Variants in NTF3 observed in about 807,000 individuals in gnomAD.
NTF3 encodes neurotrophin-3.
A neutral mutation model predicts 26.3 loss-of-function variants in NTF3; 8 were observed. The ratio of observed to expected loss-of-function variants is 0.30; its 90% confidence interval spans 0.18 to 0.55. The LOEUF is 0.55. Ranked by LOEUF, NTF3 falls within the 20% of genes least tolerant of loss-of-function variation. The pLI is 0.93. For synonymous variants in NTF3, 154 were observed against 145.5 expected (o/e 1.06, Z -0.42); for missense variants, 276 against 352.9 (o/e 0.78, Z 1.75).
chr12:5,470,214 G>A (rs1023546358), intron 1 of NTF3, among the ~76,000 whole-genome samples: 8 of 152,156 alleles, frequency 5.3e-5, no homozygotes, highest in Admixed American at 1.3e-4. Flanking sequence ...GTGAGCCACT[G>A]CGCTCGGCCT....
chr12:5,463,584 A>T (rs1940550154), intron 1 of NTF3, among the ~76,000 whole-genome samples: 1 of 152,158 alleles, frequency 6.6e-6, no homozygotes, highest in African/African-American at 2.4e-5. Context: ...AAGAATGAGG[A>T]TATGGAGAAA....
chr12:5,477,656 A>T (rs2121225223), intron 1 of NTF3, among the ~76,000 whole-genome samples: 1 of 152,334 alleles, frequency 6.6e-6, no homozygotes, highest in Admixed American at 6.5e-5. Context: ...AAAGTGAGTT[A>T]TCATCACTAT....
At chr12:5,467,536 T>G (rs1940608770) in intron 1 of NTF3, among the ~76,000 whole-genome samples, 1 of 152,166 alleles carries the variant, frequency 6.6e-6, no homozygotes, top group Non-Finnish European at 1.5e-5. Context: ...TTTCGTTGAT[T>G]GATTAAGGGT....
chr12:5,494,655 G>A lies in NTF3; in HGVS notation c.480G>A (p.Gly160=), dbSNP rs777139111. The change falls in exon 2 of 2, where the codon GGG becomes GGA. Residue 160 remains glycine (G), a synonymous_variant. Coordinates refer to ENST00000423158, the MANE Select transcript of NTF3 (RefSeq NM_001102654.2). The surrounding 1 kb of genome is among the most constrained non-coding windows in gnomAD (Gnocchi z 8.3). Reference sequence around the variant, plus strand: ...ACGCGGAGCATAAGAGTCACCGAGGGGAGTACTCGGTATGTGACAGTGAGA... The same window carrying A: ...ACGCGGAGCATAAGAGTCACCGAGGAGAGTACTCGGTATGTGACAGTGAGA... ...KRYAEHKSHR[G]EYSVCDSESL... 5.6e-6 allele frequency: 9 copies of A among 1,614,130 alleles called. No homozygotes were observed. The South Asian group carries it at 9.9e-5, about 18-fold the overall frequency.
intron 1 of NTF3, among the ~76,000 whole-genome samples, chr12:5,468,152 T>G (rs947206080): frequency 6.6e-6 from 1 of 152,254 alleles, no homozygotes; most frequent in Non-Finnish European, 1.5e-5. Context: ...TTTGGTTGTG[T>G]GATTCATGCT....
At chr12:5,466,913 A>G (rs575731751) in intron 1 of NTF3, among the ~76,000 whole-genome samples, 2 of 152,212 alleles carry the variant, frequency 1.3e-5, no homozygotes, top group African/African-American at 4.8e-5. Context: ...TGCTAACCCT[A>G]TGAATTCTCC....
intron 1 of NTF3, among the ~76,000 whole-genome samples, chr12:5,439,309 G>A (rs1940209765): frequency 6.6e-6 from 1 of 152,206 alleles, no homozygotes; most frequent in Non-Finnish European, 1.5e-5. Flanking sequence ...ACAGATGGGG[G>A]TACTGAGGTT....
At chr12:5,445,078 G>T (rs186612253) in intron 1 of NTF3, among the ~76,000 whole-genome samples, 1 of 152,222 alleles carries the variant, frequency 6.6e-6, no homozygotes, top group East Asian at 1.9e-4. Context: ...ATTTCATTCA[G>T]GATCAAAAAA....
At chr12:5,479,126 T>C (rs950997987) in intron 1 of NTF3, among the ~76,000 whole-genome samples, 1 of 152,262 alleles carries the variant, frequency 6.6e-6, no homozygotes, top group African/African-American at 2.4e-5. Context: ...TTGTTTTAGA[T>C]ACAATTTTGC....
At chr12:5,445,437 A>T (rs983132955) in intron 1 of NTF3, among the ~76,000 whole-genome samples, 1 of 152,038 alleles carries the variant, frequency 6.6e-6, no homozygotes, top group African/African-American at 2.4e-5. Context: ...CACATTGCTT[A>T]GCATGTATAA....
At chr12:5,443,969 G>A (rs974503887) in intron 1 of NTF3, among the ~76,000 whole-genome samples, 3 of 152,158 alleles carry the variant, frequency 2.0e-5, no homozygotes, top group Non-Finnish European at 4.4e-5. Flanking sequence ...GTTGAATTTG[G>A]ATTGGGTTAC....
intron 1 of NTF3, among the ~76,000 whole-genome samples, chr12:5,457,238 C>T (rs887317735): frequency 2.6e-5 from 4 of 152,212 alleles, no homozygotes; most frequent in African/African-American, 9.7e-5. Context: ...TGACTGGTGG[C>T]CACTGATGTT....
At chr12:5,478,609 A>C (rs2121227271) in intron 1 of NTF3, among the ~76,000 whole-genome samples, 1 of 152,342 alleles carries the variant, frequency 6.6e-6, no homozygotes, top group Non-Finnish European at 1.5e-5. Context: ...AGGATCACAG[A>C]CCCTCAGGTC....
chr12:5,458,341 G>A (rs985693162), intron 1 of NTF3, among the ~76,000 whole-genome samples: 18 of 152,110 alleles, frequency 1.2e-4, no homozygotes, highest in African/African-American at 4.3e-4. Flanking sequence ...GCATTCTGGG[G>A]CTCCCTATCA....
At chr12:5,460,504 C>T in intron 1 of NTF3, among the ~76,000 whole-genome samples, 1 of 152,200 alleles carries the variant, frequency 6.6e-6, no homozygotes, top group Non-Finnish European at 1.5e-5. Flanking sequence ...AAGTTTCTTC[C>T]ATGGAAACTT....
At position 5,433,867 on chromosome 12, in the gene NTF3, G is replaced by A. The variant is rs961562603; in HGVS notation, c.18+1525G>A. ...GGCGAGGGCCTGCTGAGAGGGGAGG[G>A]GAGCCTGGAAGGGGTGGGTGTTTCT... On this transcript the variant is annotated intron_variant, in intron 1 of 1. Transcript: ENST00000423158. This position sits in a 1 kb window ranked among gnomAD's most constrained non-coding sequence, Gnocchi z 4.6. 2.6e-5 allele frequency among the ~76,000 whole-genome samples: 4 copies of A among 152,138 alleles called. No individual in the cohort carries two copies. Among genetic ancestry groups the A allele is most frequent in the African/African-American group, 9.7e-5 (4 of 41,408 alleles).
intron 1 of NTF3, among the ~76,000 whole-genome samples, chr12:5,467,458 G>A (rs1400399934): frequency 6.6e-6 from 1 of 152,160 alleles, no homozygotes; most frequent in Non-Finnish European, 1.5e-5. Context: ...TCTTTAGAGT[G>A]CTTGGTGTTC....
chr12:5,458,514 T>G (rs1234448580), intron 1 of NTF3, among the ~76,000 whole-genome samples: 2 of 152,186 alleles, frequency 1.3e-5, no homozygotes, highest in African/African-American at 4.8e-5. Context: ...GTCTGGCTTA[T>G]AATAAGCAGC....
At chr12:5,440,195 CA>C (rs1434450612) in intron 1 of NTF3, among the ~76,000 whole-genome samples, 2 of 152,206 alleles carry the variant, frequency 1.3e-5, no homozygotes, top group African/African-American at 4.8e-5. Flanking sequence ...GTTGCTTAAA[CA>C]TATTTGCATG....
Sources: allele counts gnomAD v4.1 joint callset (sites outside exome capture counted in the v4.1 genomes callset), GRCh38; gene constraint gnomAD v4.1.1; non-coding constraint Gnocchi (gnomAD v3.1); transcripts MANE v1.5; gene names NCBI Gene and HGNC (gene_info 2026-07-23, HGNC 2026-07-21).